Variants in ZNF227 observed in about 807,000 individuals in gnomAD.
The protein encoded by ZNF227 is zinc finger protein 227.
A neutral mutation model predicts 13.2 loss-of-function variants in ZNF227; 12 were observed. The ratio of observed to expected loss-of-function variants is 0.91; its 90% CI spans 0.58 to 1.47. The LOEUF (loss-of-function observed/expected upper bound fraction) is 1.47, where lower values mean the gene tolerates loss of function less well. ZNF227 is among the 40% of genes most tolerant of loss of function. ZNF227 has a pLI of 0.00. For synonymous variants in ZNF227, 338 were observed against 326.0 expected (o/e 1.04, Z -0.40); for missense variants, 885 against 967.5 (o/e 0.91, Z 1.13).
At chr19:44,210,726 A>G (rs1033482342), upstream of ZNF227, among the ~76,000 whole-genome samples, 2 of 152,220 alleles carry the variant, frequency 1.3e-5, no homozygotes, top group Non-Finnish European at 2.9e-5. Flanking sequence ...GAGAAACAGC[A>G]TCTGGAAAAT....
In ZNF227 at chr19:44,215,358, C is replaced by T. The variant is rs534235365; in HGVS notation, c.-3+2114C>T. ...CTCTGAAACTGAAGCTGTAATTTGCCATTTGCTCAGTACAGTATATCTTTT... is the reference window on the plus strand; with the variant it reads ...CTCTGAAACTGAAGCTGTAATTTGCTATTTGCTCAGTACAGTATATCTTTT... On this transcript the variant is annotated intron_variant, in intron 2 of 5. Coordinates refer to ENST00000313040, the MANE Select transcript of ZNF227 (RefSeq NM_182490.3). Among the ~76,000 whole-genome samples, 15 of 151,678 alleles carry T rather than the reference C, an allele frequency of 9.9e-5. No homozygotes were observed. In the South Asian group the frequency reaches 3.1e-3, roughly 32 times the overall value.
At chr19:44,210,258 C>G (rs1163218916), upstream of ZNF227, among the ~76,000 whole-genome samples, 3 of 152,080 alleles carry the variant, frequency 2.0e-5, no homozygotes, top group African/African-American at 7.2e-5. Context: ...TTGTAGAAAC[C>G]TTCCATCCAT....
Position 44,236,920 on chromosome 19 carries a change from T to C in ZNF227, c.*90T>C. ...CTGGTGGTAAACCCTGTAAAACTAC[T>C]GAGAGTGGAAGGGGGTTTGTTCACA... On this transcript the variant is annotated 3_prime_UTR_variant, in exon 6 of 6. Coordinates refer to ENST00000313040, the MANE Select transcript of ZNF227 (RefSeq NM_182490.3). 9.6e-7 allele frequency: 1 copy of C among 1,039,696 alleles called. No homozygotes were observed. The highest frequency in any genetic ancestry group is 1.4e-6 in the Non-Finnish European group (1 of 725,976). The allele number at this position is 1,039,696 out of a possible 1,614,324, so 64.4% of individuals were successfully genotyped here.
chr19:44,235,587 G>GT lies in ZNF227; in HGVS notation c.1158dup (p.Lys387Ter), dbSNP rs770737303. On this transcript the variant is annotated frameshift_variant, in exon 6 of 6. Coordinates refer to ENST00000313040, the MANE Select transcript of ZNF227 (RefSeq NM_182490.3). LOFTEE classifies it low-confidence loss of function (END_TRUNC). The stretch of plus-strand genomic sequence containing the variant: ...AAACCATACAAATGCGAAGAGTGTG[G>GT]TAAGGGCTTCGGTTGGAGTGTTAAT... 1 of 1,614,180 alleles carries GT rather than the reference G, an allele frequency of 6.2e-7. No individual in the cohort carries two copies. The highest frequency in any genetic ancestry group is 1.1e-5 in the South Asian group (1 of 91,092).
chr19:44,217,368 C>A (rs886847785), intron 2 of ZNF227: 1 of 456,152 alleles, frequency 2.2e-6, no homozygotes. Context: ...CTTGGAAAAA[C>A]CCTATGAGGG....
At chr19:44,219,594 T>C (rs1972237201) in intron 3 of ZNF227, among the ~76,000 whole-genome samples, 1 of 152,122 alleles carries the variant, frequency 6.6e-6, no homozygotes, top group Admixed American at 6.5e-5. Context: ...GTTTTACTTA[T>C]ATTGTCAATG....
rs1310282883 is a variant in ZNF227, at chr19:44,213,242, C to CA, written c.-4dup. On this transcript the variant is annotated splice_region_variant and 5_prime_UTR_variant, in exon 2 of 6. Transcript: ENST00000313040. Reference sequence around the variant, plus strand: ...TTCTTGGCTTCTCCCAGCATAGCCCCAGGTACCTGCTCTTGAACGCACTTT... The same window carrying CA: ...TTCTTGGCTTCTCCCAGCATAGCCCCAAGGTACCTGCTCTTGAACGCACTTT... The CA allele has an allele frequency of 6.6e-6, 1 of 152,202 alleles. No homozygotes were observed. Among genetic ancestry groups the CA allele is most frequent in the African/African-American group, 2.4e-5 (1 of 41,434 alleles). The allele number at this position is 152,202 out of a possible 1,614,324, so 9.4% of individuals were successfully genotyped here. A position where few individuals can be genotyped will look rare whatever the true frequency, so the allele number is the denominator to read the frequency against.
At chr19:44,222,333 A>C (rs1216052829) in intron 3 of ZNF227, among the ~76,000 whole-genome samples, 2 of 152,114 alleles carry the variant, frequency 1.3e-5, no homozygotes, top group Non-Finnish European at 2.9e-5. Context: ...GATGGCATTG[A>C]ATCTATAAAT....
intron 5 of ZNF227, among the ~76,000 whole-genome samples, chr19:44,232,558 C>T (rs2122928368): frequency 6.6e-6 from 1 of 152,126 alleles, no homozygotes; most frequent in East Asian, 1.9e-4. Context: ...TGGGTGGCTT[C>T]CCTCTTTCTT....
intron 5 of ZNF227, among the ~76,000 whole-genome samples, chr19:44,230,590 C>T (rs1973677394): frequency 6.6e-6 from 1 of 152,040 alleles, no homozygotes. Flanking sequence ...GAGAGGCTCC[C>T]CAGCACCTTA....
chr19:44,217,910 G>C, intron 3 of ZNF227, 58 bp downstream of exon 3: 2 of 1,586,642 alleles, frequency 1.3e-6, no homozygotes, highest in South Asian at 2.2e-5. Flanking sequence ...AAAGATAACA[G>C]ATTTATTTTT....
intron 4 of ZNF227, 142 bp downstream of exon 4, chr19:44,228,714 A>T: frequency 9.0e-7 from 1 of 1,105,584 alleles, no homozygotes; most frequent in Non-Finnish European, 1.2e-6. Context: ...AAAACAGGAT[A>T]GGTTTTTCTG....
intron 5 of ZNF227, among the ~76,000 whole-genome samples, chr19:44,230,943 A>ATC (rs1258578786): frequency 1.5e-5 from 2 of 135,418 alleles, no homozygotes; most frequent in Non-Finnish European, 3.0e-5. Flanking sequence ...ATATATATAT[A>ATC]TATATATATA....
intron 2 of ZNF227, among the ~76,000 whole-genome samples, chr19:44,214,697 CA>C (rs1971669753): frequency 6.6e-6 from 1 of 152,086 alleles, no homozygotes; most frequent in Admixed American, 6.6e-5. Flanking sequence ...CAAGCATATT[CA>C]ACTGTCAAAA....
intron 2 of ZNF227, among the ~76,000 whole-genome samples, chr19:44,214,134 ATTTTTG>A (rs1006165923): frequency 1.2e-4 from 18 of 152,172 alleles, no homozygotes; most frequent in Admixed American, 1.2e-3. Flanking sequence ...AACTTCACCT[ATTTTTG>A]TTTTTGTTTT....
In ZNF227 at chr19:44,236,848, C is replaced by A. The variant is rs767494894; in HGVS notation, c.*18C>A. 3 of 1,538,238 alleles carry A rather than the reference C, an allele frequency of 2.0e-6. No homozygotes were observed. Among genetic ancestry groups the A allele is most frequent in the South Asian group, 2.6e-5 (2 of 77,646 alleles). ...AGCTTTAGAAATGAGAAATGTGTTA[C>A]CAACTTTTGTCTGAATGCACATCTT... On this transcript the variant is annotated 3_prime_UTR_variant, in exon 6 of 6. Transcript: ENST00000313040.
rs1974286704 is a variant in ZNF227 at position 44,235,082 on chromosome 19, A to T, written c.652A>T (p.Lys218Ter). Residue 218 changes from lysine to a stop codon, truncating the protein, a stop_gained, in exon 6 of 6, where the codon AAA (lysine) becomes TAA (stop). Transcript: ENST00000313040. LOFTEE classifies it low-confidence loss of function (END_TRUNC). ...GAAATCACCATTTCATGAGCATATT[A>T]AAACTGACACAGAACCAAAACCCTG... ...MKKSPFHEHI[K>*]TDTEPKPCKG... is the part of the protein sequence containing the mutation. 1.2e-6 allele frequency: 2 copies of T among 1,613,958 alleles called. No individual in the cohort carries two copies. Among genetic ancestry groups the T allele is most frequent in the East Asian group, 4.5e-5 (2 of 44,880 alleles).
At chr19:44,218,829 C>T (rs1390951230) in intron 3 of ZNF227, among the ~76,000 whole-genome samples, 1 of 152,214 alleles carries the variant, frequency 6.6e-6, no homozygotes, top group Non-Finnish European at 1.5e-5. Context: ...TAAAGGCAGA[C>T]AGAACAAAAG....
rs764245718 is a variant in ZNF227 at position 44,236,726 on chromosome 19, C to G, written c.2296C>G (p.His766Asp). 1.2e-6 allele frequency: 2 copies of G among 1,614,172 alleles called. No homozygotes were observed. Among genetic ancestry groups the G allele is most frequent in the South Asian group, 2.2e-5 (2 of 91,080 alleles). The change falls in exon 6 of 6, where the codon CAC (histidine) becomes GAC (aspartate). Residue 766 changes from histidine (H) to aspartate (D), a missense_variant. By Grantham distance (81) the His-to-Asp change is moderately conservative (BLOSUM62 -1). Transcript: ENST00000313040. ...SARLEAHQRVHTGEKPYKCDI... is the reference protein window; with the variant it reads ...SARLEAHQRVDTGEKPYKCDI... ...ACGTCTTGAAGCCCATCAGAGAGTC[C>G]ACACTGGAGAAAAACCATACAAATG...
Sources: allele counts gnomAD v4.1 joint callset (sites outside exome capture counted in the v4.1 genomes callset), GRCh38; gene constraint gnomAD v4.1.1; transcripts MANE v1.5; gene names NCBI Gene and HGNC (gene_info 2026-07-23, HGNC 2026-07-21).